The following IGF1R variants were observed in gnomAD, a reference collection of about 807,000 sequenced individuals.
IGF1R encodes insulin-like growth factor 1 receptor.
IGF1R carries 44 observed loss-of-function variants against 144.6 expected under a neutral mutation model. The ratio of observed to expected loss-of-function variants is 0.30; its 90% CI spans 0.24 to 0.39. The LOEUF is 0.39. IGF1R is among the 10% of genes least tolerant of loss of function. IGF1R has a pLI of 1.00. For missense variants in IGF1R, 1,355 were observed against 1,833.7 expected (o/e 0.74, Z 4.77); for synonymous variants, 795 against 722.8 (o/e 1.10, Z -1.60).
intron 2 of IGF1R, among the ~76,000 whole-genome samples, chr15:98,827,872 C>T (rs925112943): frequency 2.6e-5 from 4 of 152,186 alleles, no homozygotes; most frequent in South Asian, 4.1e-4. Context: ...TGAGCCACCG[C>T]GCCCGGCCTA....
chr15:98,939,049 T>G, intron 17 of IGF1R, 152 bp from the exon 18 acceptor site: 1 of 676,888 alleles, frequency 1.5e-6, no homozygotes, highest in Non-Finnish European at 2.6e-6. Flanking sequence ...CTCTCCATGA[T>G]GGTTTGTTCC....
chr15:98,808,890 A>G (rs962356914), intron 2 of IGF1R, among the ~76,000 whole-genome samples: 18 of 152,032 alleles, frequency 1.2e-4, no homozygotes, highest in African/African-American at 4.1e-4. Context: ...GTCTTACTCT[A>G]TTGCCCAGGC....
At chr15:98,892,065 G>C (rs1240076257) in intron 3 of IGF1R, among the ~76,000 whole-genome samples, 3 of 152,148 alleles carry the variant, frequency 2.0e-5, no homozygotes, top group African/African-American at 4.8e-5. Context: ...CACCATCCTT[G>C]AGACCAGCAA....
intron 5 of IGF1R, among the ~76,000 whole-genome samples, chr15:98,904,778 G>C (rs528747838): frequency 8.5e-5 from 13 of 152,292 alleles, no homozygotes; most frequent in Admixed American, 2.0e-4. Context: ...TGAAAATGGG[G>C]AAACTGTCCC....
intron 2 of IGF1R, among the ~76,000 whole-genome samples, chr15:98,857,905 T>C (rs1018277227): frequency 2.6e-5 from 4 of 152,212 alleles, no homozygotes; most frequent in Non-Finnish European, 5.9e-5. Context: ...GGGGGTGGTA[T>C]GCACGTTTTA....
At position 98,957,171 on chromosome 15, in the gene IGF1R, CCTT is replaced by C. The variant is rs779842858; in HGVS notation, c.3836_3838del (p.Phe1279del). 8.7e-6 allele frequency: 14 copies of C among 1,614,120 alleles called. No homozygotes were observed. The highest frequency in any genetic ancestry group is 2.2e-5 in the East Asian group (1 of 44,888). On this transcript the variant is annotated inframe_deletion, in exon 21 of 21. Transcript: ENST00000650285. ...ATGGAGCCTGGCTTCCGGGAGGTCT[CCTT>C]CTACTACAGCGAGGAGAACAAGCTG...
At chr15:98,735,989 G>T (rs1027941268) in intron 2 of IGF1R, among the ~76,000 whole-genome samples, 5 of 152,182 alleles carry the variant, frequency 3.3e-5, no homozygotes, top group African/African-American at 1.2e-4. Context: ...AAACTTTTGG[G>T]ATCACTCACC....
At chr15:98,698,476 C>T (rs775216913) in intron 1 of IGF1R, among the ~76,000 whole-genome samples, 4 of 152,372 alleles carry the variant, frequency 2.6e-5, no homozygotes, top group South Asian at 4.1e-4. Flanking sequence ...ACCACAGCCA[C>T]GGGCAGCCAC....
intron 1 of IGF1R, among the ~76,000 whole-genome samples, chr15:98,691,370 T>G (rs1021811971): frequency 2.7e-5 from 4 of 149,882 alleles, no homozygotes; most frequent in African/African-American, 7.3e-5. Flanking sequence ...TTTTTTTGTT[T>G]TTTTTTTTTT....
At chr15:98,826,844 C>A (rs1003359153) in intron 2 of IGF1R, among the ~76,000 whole-genome samples, 1 of 152,146 alleles carries the variant, frequency 6.6e-6, no homozygotes, top group Non-Finnish European at 1.5e-5. Flanking sequence ...CTTAAAAGTG[C>A]AGGTGCACCT....
chr15:98,950,865 A>G (rs529972916), intron 20 of IGF1R, among the ~76,000 whole-genome samples: 1 of 152,242 alleles, frequency 6.6e-6, no homozygotes, highest in Admixed American at 6.5e-5. Context: ...CTCAGAAATC[A>G]TTGTCCCTAA....
intron 20 of IGF1R, chr15:98,954,394 G>GT (rs1216065336): frequency 2.3e-5 from 1 of 44,416 alleles, no homozygotes; most frequent in East Asian, 6.7e-4. Flanking sequence ...CTGACCTGTG[G>GT]TTAAAAAAAA....
intron 2 of IGF1R, among the ~76,000 whole-genome samples, chr15:98,740,811 C>A (rs559510293): frequency 2.0e-5 from 3 of 152,174 alleles, no homozygotes; most frequent in African/African-American, 7.2e-5. Context: ...GGAAATGCTT[C>A]TCCCCATTCC....
At chr15:98,949,834 G>T (rs1048033885) in intron 20 of IGF1R, among the ~76,000 whole-genome samples, 1 of 152,136 alleles carries the variant, frequency 6.6e-6, no homozygotes, top group African/African-American at 2.4e-5. Context: ...GTCCGTGGAC[G>T]GTGCTGTTTT....
chr15:98,734,281 C>G (rs1324211339), intron 2 of IGF1R, among the ~76,000 whole-genome samples: 1 of 152,072 alleles, frequency 6.6e-6, no homozygotes, highest in Non-Finnish European at 1.5e-5. Flanking sequence ...TAGGACATGC[C>G]AATGTTTTTT....
intron 2 of IGF1R, among the ~76,000 whole-genome samples, chr15:98,741,804 A>G (rs1205346383): frequency 6.6e-6 from 1 of 152,222 alleles, no homozygotes; most frequent in Non-Finnish European, 1.5e-5. Context: ...ATTTAAAGGC[A>G]TGTCTCTGTT....
chr15:98,916,912 C>T, intron 10 of IGF1R, 36 bp downstream of exon 10: 1 of 1,582,250 alleles, frequency 6.3e-7, no homozygotes, highest in Admixed American at 1.7e-5. Context: ...TTGGCAAAAC[C>T]CACTGCTCAG....
chr15:98,780,615 T>A (rs2055840290), intron 2 of IGF1R, among the ~76,000 whole-genome samples: 1 of 149,584 alleles, frequency 6.7e-6, no homozygotes, highest in Admixed American at 6.6e-5. Flanking sequence ...GAATATGTTA[T>A]CTACTTGATG....
At chr15:98,666,395 A>T (rs1318903671) in intron 1 of IGF1R, among the ~76,000 whole-genome samples, 1 of 152,184 alleles carries the variant, frequency 6.6e-6, no homozygotes, top group Non-Finnish European at 1.5e-5. Context: ...GCCCAAAAAG[A>T]AGTGAAAGCA....
Sources: allele counts gnomAD v4.1 joint callset (sites outside exome capture counted in the v4.1 genomes callset), GRCh38; gene constraint gnomAD v4.1.1; transcripts MANE v1.5; gene names NCBI Gene and HGNC (gene_info 2026-07-23, HGNC 2026-07-21).